The following CMKLR1 variants were observed in gnomAD, a reference collection of about 807,000 sequenced individuals.
The protein encoded by CMKLR1 is chemerin chemokine-like receptor 1.
CMKLR1 carries 6 observed loss-of-function variants against 8.2 expected under a neutral mutation model. The observed-to-expected ratio is 0.73, with a 90% CI of 0.40 to 1.44. The LOEUF is 1.44. Ranked by LOEUF, CMKLR1 falls within the 40% of genes most tolerant of loss-of-function variation. CMKLR1 has a pLI of 0.02. For synonymous variants in CMKLR1, 178 were observed against 181.2 expected (o/e 0.98, Z 0.14); for missense variants, 429 against 478.0 (o/e 0.90, Z 0.96).
intron 2 of CMKLR1, among the ~76,000 whole-genome samples, chr12:108,310,874 G>A (rs934007167): frequency 6.6e-6 from 1 of 152,112 alleles, no homozygotes; most frequent in Non-Finnish European, 1.5e-5. Context: ...CAGTGCTGAG[G>A]GGCAGCCAGA....
intron 2 of CMKLR1, among the ~76,000 whole-genome samples, chr12:108,303,040 T>C (rs1437526220): frequency 6.6e-6 from 1 of 152,148 alleles, no homozygotes; most frequent in Non-Finnish European, 1.5e-5. Flanking sequence ...CATGCTTGGG[T>C]GGTGCCCAGC....
intron 2 of CMKLR1, among the ~76,000 whole-genome samples, chr12:108,296,408 T>TCC (rs901354365): frequency 4.6e-5 from 7 of 152,252 alleles, no homozygotes; most frequent in Admixed American, 4.6e-4. Flanking sequence ...TTCTCAGGCT[T>TCC]CCACTCTTAA....
Position 108,326,036 on chromosome 12 carries a change from C to T in CMKLR1, c.-74+3959G>A, listed in dbSNP as rs377757233. Among the ~76,000 whole-genome samples the T allele has an allele frequency of 2.1e-4, 32 of 152,244 alleles. 1 individual carries two copies. The South Asian group carries it at 5.8e-3, about 28-fold the overall frequency. ...GCACCAAGATTGGGACACTCACCTC[C>T]GTGACCTCCCAGGCCTGCCCTATTT... is the stretch of plus-strand genomic sequence containing the variant. On this transcript the variant is annotated intron_variant, in intron 2 of 3. Transcript: ENST00000550402.
chr12:108,319,692 A>G (rs909656536), intron 2 of CMKLR1, among the ~76,000 whole-genome samples: 1 of 152,182 alleles, frequency 6.6e-6, no homozygotes, highest in African/African-American at 2.4e-5. Context: ...ATCCATTGTT[A>G]TTATTGTTGT....
intron 2 of CMKLR1, among the ~76,000 whole-genome samples, chr12:108,315,939 C>T (rs1308229627): frequency 6.6e-6 from 1 of 152,146 alleles, no homozygotes; most frequent in Non-Finnish European, 1.5e-5. Context: ...GAAGATGAAT[C>T]TTGCTGCTTA....
intron 2 of CMKLR1, among the ~76,000 whole-genome samples, chr12:108,325,093 G>A (rs1185207860): frequency 6.6e-6 from 1 of 152,236 alleles, no homozygotes; most frequent in Admixed American, 6.5e-5. Context: ...CCGAGACAGG[G>A]CAGCAGAGCC....
intron 2 of CMKLR1, among the ~76,000 whole-genome samples, chr12:108,321,063 C>G (rs1891850523): frequency 6.6e-6 from 1 of 152,194 alleles, no homozygotes; most frequent in South Asian, 2.1e-4. Context: ...CAGGAGCAGC[C>G]TCTCCCTGGC....
At chr12:108,325,269 G>A (rs1303522090) in intron 2 of CMKLR1, among the ~76,000 whole-genome samples, 1 of 152,208 alleles carries the variant, frequency 6.6e-6, no homozygotes, top group Non-Finnish European at 1.5e-5. Context: ...GCCTTGGACT[G>A]TGGCTTCTTT....
At chr12:108,294,020 C>T (rs550029785) in intron 2 of CMKLR1, among the ~76,000 whole-genome samples, 1 of 152,328 alleles carries the variant, frequency 6.6e-6, no homozygotes, top group East Asian at 1.9e-4. Context: ...CTCAACTCCA[C>T]TACCAGGGCA....
intron 1 of CMKLR1, among the ~76,000 whole-genome samples, chr12:108,338,207 A>T (rs575903462): frequency 3.9e-5 from 6 of 152,332 alleles, no homozygotes; most frequent in African/African-American, 1.4e-4. Context: ...GAATATTTTC[A>T]ACAGAGAGTG....
chr12:108,292,353 G>T lies in CMKLR1; in HGVS notation c.610C>A (p.Pro204Thr). 1 of 1,614,176 alleles carries T rather than the reference G, an allele frequency of 6.2e-7. No individual in the cohort carries two copies. Among genetic ancestry groups the T allele is most frequent in the South Asian group, 1.1e-5 (1 of 91,084 alleles). The change falls in exon 4 of 4, where the codon CCC becomes ACC. Residue 204 changes from proline to threonine, a missense_variant. Pro to Thr is a conservative substitution (Grantham distance 38). Coordinates refer to ENST00000550402, the MANE Select transcript of CMKLR1 (RefSeq NM_001142343.2). The stretch of plus-strand genomic sequence containing the variant: ...ACAGGGTCCATTTGGGAGTGAGTGG[G>T]CCACGAGGAAGACCCAGGTGTGGAC... The part of the protein sequence containing the change: ...SLSTPGSSSW[P>T]THSQMDPVGY...
chr12:108,299,644 A>G (rs1891216512), intron 2 of CMKLR1, among the ~76,000 whole-genome samples: 1 of 152,194 alleles, frequency 6.6e-6, no homozygotes, highest in Non-Finnish European at 1.5e-5. Flanking sequence ...CAGTCACCGT[A>G]TAAGAGGAAA....
intron 2 of CMKLR1, among the ~76,000 whole-genome samples, chr12:108,304,502 T>C (rs1891356226): frequency 6.6e-6 from 1 of 152,148 alleles, no homozygotes; most frequent in Non-Finnish European, 1.5e-5. Context: ...CTCTGTCCTT[T>C]GTCTCTTTCC....
chr12:108,310,839 C>CG (rs1692126563), intron 2 of CMKLR1, among the ~76,000 whole-genome samples: 3 of 151,822 alleles, frequency 2.0e-5, no homozygotes, highest in Admixed American at 1.3e-4. Context: ...TTCAGCAAGG[C>CG]GGGTAGGCAG....
intron 2 of CMKLR1, among the ~76,000 whole-genome samples, chr12:108,295,446 G>T (rs572241173): frequency 1.1e-4 from 17 of 152,220 alleles, no homozygotes; most frequent in Non-Finnish European, 2.4e-4. Flanking sequence ...GTGCCAAACG[G>T]TGCAGGCACC....
chr12:108,312,475 G>A (rs1891611084), intron 2 of CMKLR1, among the ~76,000 whole-genome samples: 1 of 152,190 alleles, frequency 6.6e-6, no homozygotes, highest in African/African-American at 2.4e-5. Context: ...TGGGGTGAGA[G>A]GAACCAAAAC....
chr12:108,293,021 T>C (rs566373835), intron 3 of CMKLR1, 62 bp from the exon 4 acceptor site: 1 of 1,458,706 alleles, frequency 6.9e-7, no homozygotes, highest in African/African-American at 1.4e-5. Context: ...GGTTGACCAA[T>C]ACCAGCAAGA....
chr12:108,306,878 T>C (rs912372037), intron 2 of CMKLR1, among the ~76,000 whole-genome samples: 1 of 152,162 alleles, frequency 6.6e-6, no homozygotes, highest in Non-Finnish European at 1.5e-5. Flanking sequence ...CCAGCAGCCA[T>C]TCCTAGTCAC....
intron 2 of CMKLR1, among the ~76,000 whole-genome samples, chr12:108,305,300 A>G (rs1480993888): frequency 6.6e-6 from 1 of 152,202 alleles, no homozygotes; most frequent in East Asian, 1.9e-4. Context: ...TGAAGTGACT[A>G]GTCCAGATTC....
Sources: allele counts gnomAD v4.1 joint callset (sites outside exome capture counted in the v4.1 genomes callset), GRCh38; gene constraint gnomAD v4.1.1; transcripts MANE v1.5; gene names NCBI Gene and HGNC (gene_info 2026-07-23, HGNC 2026-07-21).